Variants in ANXA11 observed in about 807,000 individuals in gnomAD.
The protein encoded by ANXA11 is annexin A11, also known as 56 kDa autoantigen.
ANXA11 carries 57 observed loss-of-function variants against 64.7 expected under a neutral mutation model. The observed-to-expected ratio is 0.88, with a 90% confidence interval of 0.71 to 1.10. The LOEUF is 1.10. ANXA11 is among the 50% of genes least tolerant of loss of function. The pLI is 0.00. For synonymous variants in ANXA11, 260 were observed against 265.2 expected, an observed-to-expected ratio of 0.98 and a Z score of 0.19; for missense variants, 675 against 670.7, an observed-to-expected ratio of 1.01 and a Z score of -0.07.
intron 12 of ANXA11, among the ~76,000 whole-genome samples, chr10:80,160,783 G>C (rs1458802754): frequency 6.6e-6 from 1 of 152,050 alleles, no homozygotes; most frequent in African/African-American, 2.4e-5. Flanking sequence ...CAGCAACCCA[G>C]CAGCCTCCCT....
At chr10:80,205,057 G>C (rs1033544118) in intron 1 of ANXA11, 1 of 152,302 alleles carries the variant, frequency 6.6e-6, no homozygotes, top group Non-Finnish European at 1.5e-5. Flanking sequence ...CCCAGACTGA[G>C]ACCCCGACCC....
intron 5 of ANXA11, among the ~76,000 whole-genome samples, chr10:80,167,577 G>T (rs1845798358): frequency 6.6e-6 from 1 of 152,158 alleles, no homozygotes; most frequent in South Asian, 2.1e-4. Flanking sequence ...CTGAAAATCT[G>T]CCCAGTGCCC....
chr10:80,162,162 T>C lies in ANXA11; in HGVS notation c.1087-134A>G, dbSNP rs2245168. 270,867 of 662,152 alleles carry C rather than the reference T, an allele frequency of 0.41. 59,076 individuals carry two copies. The highest frequency in any genetic ancestry group is 0.65 in the East Asian group (23,680 of 36,204). 41.0% of individuals were successfully genotyped at this position (662,152 alleles called of 1,614,324 possible). Reference sequence around the variant, plus strand: ...GCCAATTTGCAACCTCTGAACTAGATGGCCTCTAAAGTGCCTGCTAGGCCT... The same window carrying C: ...GCCAATTTGCAACCTCTGAACTAGACGGCCTCTAAAGTGCCTGCTAGGCCT... On this transcript the variant is annotated intron_variant, in intron 11 of 15. Transcript: ENST00000422982.
chr10:80,202,885 A>C (rs1446545348), intron 1 of ANXA11, among the ~76,000 whole-genome samples: 1 of 152,020 alleles, frequency 6.6e-6, no homozygotes, highest in African/African-American at 2.4e-5. Context: ...GTCTCTACTA[A>C]AAATACAAAA....
intron 7 of ANXA11, 30 bp from the exon 8 acceptor site, chr10:80,166,227 A>C (rs1381524883): frequency 3.5e-6 from 2 of 563,532 alleles, no homozygotes; most frequent in Non-Finnish European, 5.2e-6. Context: ...AACAACCAAC[A>C]AAAAAAAAAA....
chr10:80,166,571 C>T (rs548117270), intron 7 of ANXA11: 13 of 465,350 alleles, frequency 2.8e-5, no homozygotes, highest in South Asian at 2.5e-4. Flanking sequence ...AAAGCTCTTA[C>T]ATCAGCTAAA....
chr10:80,205,614 G>A (rs1266085339), upstream of ANXA11: 1 of 152,086 alleles, frequency 6.6e-6, no homozygotes, highest in Non-Finnish European at 1.5e-5. Context: ...CCCCCAAGAT[G>A]AGGACTGGGC....
intron 9 of ANXA11, 57 bp downstream of exon 9, chr10:80,163,996 C>T: frequency 1.4e-6 from 2 of 1,473,138 alleles, no homozygotes; most frequent in Non-Finnish European, 1.9e-6. Context: ...GCCACAGCCC[C>T]AAGAGCACAG....
intron 5 of ANXA11, among the ~76,000 whole-genome samples, chr10:80,168,448 G>C (rs1351665620): frequency 6.6e-6 from 1 of 152,146 alleles, no homozygotes; most frequent in Non-Finnish European, 1.5e-5. Context: ...GGAGAAACAG[G>C]ACAGCTCCCT....
At chr10:80,179,417 T>C (rs35483545) in intron 1 of ANXA11, among the ~76,000 whole-genome samples, 17,247 of 152,270 alleles carry the variant, frequency 0.11, 1,196 homozygotes, top group South Asian at 0.24. Context: ...CTCTTTTCTT[T>C]ATAAATTACC....
intron 1 of ANXA11, among the ~76,000 whole-genome samples, chr10:80,182,219 G>A (rs1383416446): frequency 6.9e-6 from 1 of 145,588 alleles, no homozygotes; most frequent in Non-Finnish European, 1.5e-5. Flanking sequence ...GGGTGCAAGT[G>A]TGGGGGCAGG....
chr10:80,156,658 G>A (rs760642249), intron 15 of ANXA11, among the ~76,000 whole-genome samples: 1 of 152,080 alleles, frequency 6.6e-6, no homozygotes, highest in Non-Finnish European at 1.5e-5. Flanking sequence ...GGGATTACAG[G>A]CAAGCCCAGC....
chr10:80,166,042 G>GCGCACA (rs1554831664), intron 8 of ANXA11, 42 bp downstream of exon 8: 220 of 451,830 alleles, frequency 4.9e-4, no homozygotes, highest in East Asian at 1.5e-3. Flanking sequence ...ACACACGCGC[G>GCGCACA]CACACACACA....
intron 1 of ANXA11, among the ~76,000 whole-genome samples, chr10:80,180,763 T>C (rs1006271251): frequency 1.3e-5 from 2 of 152,222 alleles, no homozygotes; most frequent in East Asian, 3.8e-4. Flanking sequence ...ATCATTGCTA[T>C]TGTTTAAATG....
chr10:80,201,728 G>T (rs1840432144), intron 1 of ANXA11, among the ~76,000 whole-genome samples: 1 of 152,086 alleles, frequency 6.6e-6, no homozygotes, highest in Non-Finnish European at 1.5e-5. Context: ...CTTTTTAGTG[G>T]ACACAGCAAG....
Position 80,151,253 on chromosome 10 carries a change from C to T in ANXA11, c.*4600G>A, listed in dbSNP as rs1400701029. On this transcript the variant is annotated 3_prime_UTR_variant, in exon 16 of 16. Coordinates refer to ENST00000422982, the MANE Select transcript of ANXA11 (RefSeq NM_145868.2). ...GAAGGAGTCAGGCTCAAGCTAAACA[C>T]CAATATTAGGCCAAGGGGCAGCTTT... The T allele has an allele frequency of 6.6e-6, 1 of 152,160 alleles. No individual in the cohort carries two copies. Among genetic ancestry groups the T allele is most frequent in the Non-Finnish European group, 1.5e-5 (1 of 68,044 alleles). 9.4% of individuals were successfully genotyped at this position (152,160 alleles called of 1,614,324 possible).
chr10:80,151,962 G>C lies in ANXA11; in HGVS notation c.*3891C>G, dbSNP rs1257341916. On this transcript the variant is annotated 3_prime_UTR_variant, in exon 16 of 16. Coordinates refer to ENST00000422982, the MANE Select transcript of ANXA11 (RefSeq NM_145868.2). The stretch of plus-strand genomic sequence containing the variant: ...CTCAGGCTTGAAAACCACCACTTTA[G>C]GACCATCTACCCAGCCACAGGGTGA... The C allele has an allele frequency of 6.6e-6, 1 of 152,164 alleles. No homozygotes were observed. The highest frequency in any genetic ancestry group is 1.5e-5 in the Non-Finnish European group (1 of 68,048). 9.4% of individuals were successfully genotyped at this position (152,164 alleles called of 1,614,324 possible). A position where few individuals can be genotyped will look rare whatever the true frequency, so the allele number is the denominator to read the frequency against.
chr10:80,169,092 C>T lies in ANXA11; in HGVS notation c.438G>A (p.Gly146=). 1 of 1,535,018 alleles carries T rather than the reference C, an allele frequency of 6.5e-7. No individual in the cohort carries two copies. The highest frequency in any genetic ancestry group is 2.3e-5 in the East Asian group (1 of 44,246). Residue 146 remains glycine (G), a synonymous_variant, in exon 5 of 16, where the codon GGG becomes GGA. Transcript: ENST00000422982. ...PGQQPPGAYP[G]QPPVTYPGQP... ...GACCAGGGTAGGTCACTGGTGGCTGCCCAGGGTAGGCCCCTGGGGGCTGCT... is the reference window on the plus strand; with the variant it reads ...GACCAGGGTAGGTCACTGGTGGCTGTCCAGGGTAGGCCCCTGGGGGCTGCT...
rs767948791 is a variant in ANXA11, at chr10:80,170,974, C to A, written c.56-59G>T. The A allele has an allele frequency of 5.2e-6, 8 of 1,541,464 alleles. No individual in the cohort carries two copies. The South Asian group carries it at 7.4e-5, about 14-fold the overall frequency. On this transcript the variant is annotated intron_variant, in intron 3 of 15. Transcript: ENST00000422982. ...CAGTCCCCCACCACACGGGGAAAGGCAGAGATGAGAGCTCCCAGGTGGTCA... is the reference window on the plus strand; with the variant it reads ...CAGTCCCCCACCACACGGGGAAAGGAAGAGATGAGAGCTCCCAGGTGGTCA...
Sources: gnomAD v4.1 joint callset for allele counts (sites outside exome capture counted in the v4.1 genomes callset) on GRCh38, gnomAD v4.1.1 for gene constraint, MANE v1.5 for transcripts, NCBI Gene and HGNC (gene_info 2026-07-23, HGNC 2026-07-21) for gene names.